Variants in NOTCH1 observed in about 807,000 individuals in gnomAD.
The protein encoded by NOTCH1 is neurogenic locus notch homolog protein 1.
Under a neutral mutation model 254.8 loss-of-function variants are expected in NOTCH1, and 37 were observed. That is an observed-to-expected ratio of 0.15 (90% CI 0.11 to 0.19). NOTCH1 has a LOEUF of 0.19. NOTCH1 is among the 10% of genes least tolerant of loss of function. The pLI is 1.00. For missense variants in NOTCH1, 2,972 were observed against 3,708.6 expected (o/e 0.80, Z 5.16); for synonymous variants, 1,731 against 1,618.1 (o/e 1.07, Z -1.68).
At chr9:136,507,079 C>T (rs1843100054) in intron 22 of NOTCH1, 106 bp from the exon 23 acceptor site, 15 of 1,519,880 alleles carry the variant, frequency 9.9e-6, no homozygotes, top group African/African-American at 1.4e-5. Context: ...GCTGCACGGA[C>T]ACTCGGGAGA....
At chr9:136,498,469 G>A (rs1274227597) in intron 33 of NOTCH1, among the ~76,000 whole-genome samples, 2 of 152,164 alleles carry the variant, frequency 1.3e-5, no homozygotes, top group Non-Finnish European at 1.5e-5. Context: ...GCCGCCACGC[G>A]TGTTCTGGCT....
intron 21 of NOTCH1, 40 bp downstream of exon 21, chr9:136,507,915 T>A: frequency 4.4e-6 from 7 of 1,602,724 alleles, no homozygotes; most frequent in Non-Finnish European, 6.0e-6. Context: ...GTGGCAACAC[T>A]CGTGCCGGCC....
chr9:136,494,968 G>C lies in NOTCH1; in HGVS notation c.*1103C>G, dbSNP rs1842894205. ...CCAGGGCTGCGGGGACAGGACCAAA[G>C]GACGCAGCCCACGGCGTTGCACAGC... On this transcript the variant is annotated 3_prime_UTR_variant, in exon 34 of 34. Transcript: ENST00000651671. The C allele has an allele frequency of 1.0e-5, 4 of 398,778 alleles. No individual in the cohort carries two copies. Among genetic ancestry groups the C allele is most frequent in the Non-Finnish European group, 1.8e-5 (4 of 226,028 alleles). 24.7% of individuals were successfully genotyped at this position (398,778 alleles called of 1,614,324 possible).
chr9:136,531,358 G>A (rs1359970112), intron 2 of NOTCH1, among the ~76,000 whole-genome samples: 4 of 152,232 alleles, frequency 2.6e-5, no homozygotes, highest in Admixed American at 2.6e-4. Flanking sequence ...ATGGGGACCA[G>A]AGCGGGGCAG....
intron 4 of NOTCH1, among the ~76,000 whole-genome samples, chr9:136,519,920 C>T (rs1046676906): frequency 6.6e-6 from 1 of 152,212 alleles, no homozygotes; most frequent in African/African-American, 2.4e-5. Flanking sequence ...CCGCACACCC[C>T]ATCTTCAGGG....
Position 136,509,909 on chromosome 9 carries a change from G to A in NOTCH1, c.2793C>T (p.Cys931=), listed in dbSNP as rs557156741. The A allele has an allele frequency of 2.2e-4, 353 of 1,613,232 alleles. 5 individuals carry two copies. The South Asian group carries it at 3.7e-3, about 17-fold the overall frequency. ...SCTDGINTAF[C]DCLPGFRGTF... Reference sequence around the variant, plus strand: ...TGCCCCGGAAGCCGGGCAGGCAGTCGCAGAAGGCCGTGTTGATGCCGTCTG... The same window carrying A: ...TGCCCCGGAAGCCGGGCAGGCAGTCACAGAAGGCCGTGTTGATGCCGTCTG... The change falls in exon 18 of 34, where the codon TGC becomes TGT. Residue 931 remains cysteine, a synonymous_variant. Coordinates refer to ENST00000651671, the MANE Select transcript of NOTCH1 (RefSeq NM_017617.5).
chr9:136,505,933 C>G lies in NOTCH1; in HGVS notation c.4015-52G>C, dbSNP rs751929661. The G allele has an allele frequency of 1.7e-4, 248 of 1,483,134 alleles. 2 individuals carry two copies. Among genetic ancestry groups the G allele is most frequent in the South Asian group, 1.4e-3 (116 of 81,594 alleles). 91.9% of individuals were successfully genotyped at this position (1,483,134 alleles called of 1,614,324 possible). A position where few individuals can be genotyped will look rare whatever the true frequency, so the allele number is the denominator to read the frequency against. On this transcript the variant is annotated intron_variant, in intron 24 of 33. Coordinates refer to ENST00000651671, the MANE Select transcript of NOTCH1 (RefSeq NM_017617.5). Reference sequence around the variant, plus strand: ...GTCGGGGTGGGCCACCCCCCGCCCCCCCGCCACCTCACACCCAGCCCTCGG... The same window carrying G: ...GTCGGGGTGGGCCACCCCCCGCCCCGCCGCCACCTCACACCCAGCCCTCGG...
At chr9:136,503,073 C>A in intron 27 of NOTCH1, 109 bp downstream of exon 27, 2 of 1,503,994 alleles carry the variant, frequency 1.3e-6, no homozygotes, top group Non-Finnish European at 1.8e-6. Context: ...CGGACGGCAA[C>A]GCTCACACCC....
chr9:136,497,709 G>T, intron 33 of NOTCH1, 151 bp from the exon 34 acceptor site: 2 of 639,830 alleles, frequency 3.1e-6, no homozygotes, highest in Non-Finnish European at 5.4e-6. Context: ...CCAGCGTCCT[G>T]CAACCACCTA....
Position 136,506,035 on chromosome 9 carries a change from C to CT in NOTCH1, c.4015-155_4015-154insA, listed in dbSNP as rs1843079922. On this transcript the variant is annotated intron_variant, in intron 24 of 33. Coordinates refer to ENST00000651671, the MANE Select transcript of NOTCH1 (RefSeq NM_017617.5). The surrounding 1 kb of genome is among the most constrained non-coding windows in gnomAD (Gnocchi z 4.5). ...CCCCAGCAGCAAAACCCTTTACACA[C>CT]ATTCTACCAACAGAGAAAGATCGGG... is the stretch of plus-strand genomic sequence containing the variant. Among the ~76,000 whole-genome samples the CT allele has an allele frequency of 1.3e-5, 2 of 152,196 alleles. No homozygotes were observed. The highest frequency in any genetic ancestry group is 4.8e-5 in the African/African-American group (2 of 41,456).
chr9:136,545,537 G>A lies in NOTCH1; in HGVS notation c.61+189C>T, dbSNP rs972785094. On this transcript the variant is annotated intron_variant, in intron 1 of 33. Coordinates refer to ENST00000651671, the MANE Select transcript of NOTCH1 (RefSeq NM_017617.5). The surrounding 1 kb of genome is among the most constrained non-coding windows in gnomAD (Gnocchi z 6.8). ...CGGCGCGAGTCCGCCTCCACGGGGG[G>A]ATCGAGGGGGAAGGTCGGTCCTCCC... Among the ~76,000 whole-genome samples, 1 of 151,878 alleles carries A rather than the reference G, an allele frequency of 6.6e-6. No individual in the cohort carries two copies. The highest frequency in any genetic ancestry group is 1.5e-5 in the Non-Finnish European group (1 of 67,914).
intron 4 of NOTCH1, among the ~76,000 whole-genome samples, chr9:136,520,278 C>T (rs1387131381): frequency 6.6e-6 from 1 of 152,190 alleles, no homozygotes. Flanking sequence ...TGCCTTTGAA[C>T]CCCCGTTGCC....
intron 30 of NOTCH1, 126 bp from the exon 31 acceptor site, chr9:136,500,973 C>T: frequency 9.3e-7 from 1 of 1,078,662 alleles, no homozygotes; most frequent in Non-Finnish European, 1.3e-6. Context: ...ACTTGGTGGC[C>T]CCGTGCACAC....
At chr9:136,532,243 G>A (rs1223240565) in intron 2 of NOTCH1, among the ~76,000 whole-genome samples, 1 of 152,190 alleles carries the variant, frequency 6.6e-6, no homozygotes, top group Admixed American at 6.5e-5. Context: ...ACCTTTCCCT[G>A]TGGGGAAAGT....
chr9:136,545,699 G>T lies in NOTCH1; in HGVS notation c.61+27C>A, dbSNP rs1316266370. ...AAGTTTCCAAAGGGCGCGGAAAGTGGGGGCTCGCGGGTGGGTGGGCGCCTA... is the reference window on the plus strand; with the variant it reads ...AAGTTTCCAAAGGGCGCGGAAAGTGTGGGCTCGCGGGTGGGTGGGCGCCTA... On this transcript the variant is annotated intron_variant, in intron 1 of 33. Transcript: ENST00000651671. This position sits in a 1 kb window ranked among gnomAD's most constrained non-coding sequence, Gnocchi z 6.8. 4 of 1,442,240 alleles carry T rather than the reference G, an allele frequency of 2.8e-6. No homozygotes were observed. In the African/African-American group the frequency reaches 4.5e-5, roughly 16 times the overall value. The allele number at this position is 1,442,240 out of a possible 1,614,324, so 89.3% of individuals were successfully genotyped here. A position where few individuals can be genotyped will look rare whatever the true frequency, so the allele number is the denominator to read the frequency against.
chr9:136,508,287 G>T lies in NOTCH1; in HGVS notation c.3270C>A (p.Thr1090=), dbSNP rs773990513. ...CGCTGGGCACGTCGCAGTAAAGGCC[G>T]GTCCAGCCGCTGGGGCACTCGCAGC... The part of the protein sequence containing the change: ...QYRCECPSGW[T]GLYCDVPSVS... The change falls in exon 20 of 34, where the codon ACC becomes ACA. Residue 1090 remains threonine, a synonymous_variant. Coordinates refer to ENST00000651671, the MANE Select transcript of NOTCH1 (RefSeq NM_017617.5). The T allele has an allele frequency of 6.2e-7, 1 of 1,612,916 alleles. No homozygotes were observed. Among genetic ancestry groups the T allele is most frequent in the South Asian group, 1.1e-5 (1 of 91,084 alleles).
In NOTCH1 at chr9:136,515,983, T is replaced by G; in HGVS notation, c.1667A>C (p.Glu556Ala). The G allele has an allele frequency of 6.2e-7, 1 of 1,609,162 alleles. No homozygotes were observed. Among genetic ancestry groups the G allele is most frequent in the Non-Finnish European group, 8.5e-7 (1 of 1,178,486 alleles). The change falls in exon 10 of 34, where the codon GAA becomes GCA. Residue 556 changes from glutamate to alanine, a missense_variant and splice_region_variant. Around this residue, in one of 8 missense-constraint regions of NOTCH1, gnomAD observed 128 missense variants for 193.8 expected, o/e 0.66. Coordinates refer to ENST00000651671, the MANE Select transcript of NOTCH1 (RefSeq NM_017617.5). ...GPNTYTCVCT[E>A]GYTGTHCEVD... The stretch of plus-strand genomic sequence containing the variant: ...CGCTGGTGGGCGCCAGCCCGCACCT[T>G]CCGTGCACACACAGGTGTAAGTGTT...
chr9:136,502,004 G>T lies in NOTCH1; in HGVS notation c.5469C>A (p.Phe1823Leu). The T allele has an allele frequency of 6.2e-7, 1 of 1,612,992 alleles. No individual in the cohort carries two copies. Among genetic ancestry groups the T allele is most frequent in the Non-Finnish European group, 8.5e-7 (1 of 1,179,966 alleles). ...WGDEDLETKK[F>L]RFEEPVVLPD... is the part of the protein sequence containing the mutation. ...GCCCGGGAGCCTCGCGACTCACCCG[G>T]AACTTCTTGGTCTCCAGGTCCTCGT... The change falls in exon 29 of 34, where the codon TTC becomes TTA. Residue 1823 changes from phenylalanine (F) to leucine (L), a missense_variant. This residue lies in a region of NOTCH1 where 421 missense variants were observed against 604.4 expected (regional missense o/e 0.70). Transcript: ENST00000651671.
In NOTCH1 at chr9:136,509,881, A is replaced by C. The variant is rs755262212; in HGVS notation, c.2821T>G (p.Phe941Val). The C allele has an allele frequency of 6.2e-7, 1 of 1,613,150 alleles. No individual in the cohort carries two copies. The highest frequency in any genetic ancestry group is 8.5e-7 in the Non-Finnish European group (1 of 1,179,992). ...CDCLPGFRGT[F>V]CEEDINECAS... ...CACTCGTTGATGTCCTCCTCACAGAAAGTGCCCCGGAAGCCGGGCAGGCAG... is the reference window on the plus strand; with the variant it reads ...CACTCGTTGATGTCCTCCTCACAGACAGTGCCCCGGAAGCCGGGCAGGCAG... Residue 941 changes from phenylalanine (F) to valine (V), a missense_variant, in exon 18 of 34, where the codon TTC becomes GTC. By Grantham distance (50) the Phe-to-Val change is conservative (BLOSUM62 -1). Around this residue, in one of 8 missense-constraint regions of NOTCH1, gnomAD observed 1,343 missense variants for 1,557.0 expected, o/e 0.86. Coordinates refer to ENST00000651671, the MANE Select transcript of NOTCH1 (RefSeq NM_017617.5).
Sources: allele counts gnomAD v4.1 joint callset (sites outside exome capture counted in the v4.1 genomes callset), GRCh38; gene constraint gnomAD v4.1.1; regional missense constraint gnomAD v4.1.1; non-coding constraint Gnocchi (gnomAD v3.1); transcripts MANE v1.5; gene names NCBI Gene and HGNC (gene_info 2026-07-23, HGNC 2026-07-21).